The following SERPINB6 variants were observed in gnomAD, a reference collection of about 807,000 sequenced individuals.
SERPINB6 encodes serpin B6.
In SERPINB6, 16 loss-of-function variants were observed where a neutral mutation model predicts 26.1. That is an observed-to-expected ratio of 0.61 (90% CI 0.42 to 0.93). The LOEUF is 0.93. SERPINB6 is among the 40% of genes least tolerant of loss of function. The pLI is 0.00. For synonymous variants in SERPINB6, 174 were observed against 176.6 expected (o/e 0.99, Z 0.11); for missense variants, 420 against 478.0 (o/e 0.88, Z 1.13).
At chr6:2,957,424 G>A (rs901603341) in intron 2 of SERPINB6, 2 of 152,234 alleles carry the variant, frequency 1.3e-5, no homozygotes, top group African/African-American at 4.8e-5. Flanking sequence ...CTTTCCAGCT[G>A]GCAAAAGATT....
chr6:2,967,193 C>T lies in SERPINB6; in HGVS notation c.-11+4340G>A. 1.0e-6 allele frequency: 1 copy of T among 985,438 alleles called. No homozygotes were observed. The highest frequency in any genetic ancestry group is 1.2e-6 in the Non-Finnish European group (1 of 829,972). The allele number at this position is 985,438 out of a possible 1,614,324, so 61.0% of individuals were successfully genotyped here. A position where few individuals can be genotyped will look rare whatever the true frequency, so the allele number is the denominator to read the frequency against. On this transcript the variant is annotated intron_variant, in intron 1 of 6. Coordinates refer to ENST00000380539, the MANE Select transcript of SERPINB6 (RefSeq NM_004568.6). This position sits in a 1 kb window ranked among gnomAD's most constrained non-coding sequence, Gnocchi z 4.3. Reference sequence around the variant, plus strand: ...CCTCGAGTTGGAGGGATCTGTTAACCTGCCCAGGGCACAACACCCACACAC... The same window carrying T: ...CCTCGAGTTGGAGGGATCTGTTAACTTGCCCAGGGCACAACACCCACACAC...
chr6:2,971,016 C>T (rs1301126767), intron 1 of SERPINB6: 10 of 1,216,924 alleles, frequency 8.2e-6, no homozygotes, highest in African/African-American at 1.6e-5. Flanking sequence ...CTCCGCCTCC[C>T]GCCCGGCTCC....
chr6:2,949,030 T>C lies in SERPINB6; in HGVS notation c.613A>G (p.Thr205Ala), dbSNP rs544481054. The C allele has an allele frequency of 1.2e-5, 20 of 1,614,098 alleles. No individual in the cohort carries two copies. The Admixed American group carries it at 1.7e-4, about 13-fold the overall frequency. ...KPVQMMFKQS[T>A]FKKTYIGEIF... ...TCTCCTATATAGGTCTTCTTAAAAGTAGATTGCTTAAACATCATTTGCACA... is the reference window on the plus strand; with the variant it reads ...TCTCCTATATAGGTCTTCTTAAAAGCAGATTGCTTAAACATCATTTGCACA... Residue 205 changes from threonine to alanine, a missense_variant, in exon 6 of 7, where the codon ACT (threonine) becomes GCT (alanine). Coordinates refer to ENST00000380539, the MANE Select transcript of SERPINB6 (RefSeq NM_004568.6).
chr6:2,953,331 C>T, intron 4 of SERPINB6, 145 bp from the exon 5 acceptor site: 1 of 1,092,396 alleles, frequency 9.2e-7, no homozygotes, highest in South Asian at 1.3e-5. Flanking sequence ...GGATACGTGT[C>T]CTTAAAGCAA....
In SERPINB6 at chr6:2,955,402, G is replaced by A; in HGVS notation, c.312+122C>T. On this transcript the variant is annotated intron_variant, in intron 3 of 6. Coordinates refer to ENST00000380539, the MANE Select transcript of SERPINB6 (RefSeq NM_004568.6). ...TTTAAAACATATTGGCAGGTGAAAA[G>A]AAATTACAAAAGCCTATGTATGGCA... 2.6e-6 allele frequency: 3 copies of A among 1,152,316 alleles called. No homozygotes were observed. The Admixed American group carries it at 5.5e-5, about 21-fold the overall frequency. 71.4% of individuals were successfully genotyped at this position (1,152,316 alleles called of 1,614,324 possible).
At chr6:2,970,867 G>A in intron 1 of SERPINB6, 1 of 1,231,436 alleles carries the variant, frequency 8.1e-7, no homozygotes, top group African/African-American at 1.5e-5. Context: ...AAGGAGATCC[G>A]GGCTGGTCCA....
intron 1 of SERPINB6, chr6:2,966,772 T>C (rs1176947017): frequency 4.6e-6 from 1 of 217,174 alleles, no homozygotes; most frequent in African/African-American, 2.3e-5. Flanking sequence ...ATTTTAGATT[T>C]TTCTAGTCCA....
intron 1 of SERPINB6, chr6:2,962,147 A>C: frequency 6.1e-6 from 6 of 985,470 alleles, no homozygotes; most frequent in Non-Finnish European, 7.2e-6. Flanking sequence ...AACTTCAACA[A>C]AGCAAAGCCA....
Position 2,949,001 on chromosome 6 carries a change from T to G in SERPINB6, c.642A>C (p.Ile214=). Residue 214 remains isoleucine (I), a synonymous_variant, in exon 6 of 7, where the codon ATA becomes ATC. Transcript: ENST00000380539. ...STFKKTYIGE[I]FTQILVLPYV... is the part of the protein sequence containing the mutation. Reference sequence around the variant, plus strand: ...ATGGAAGCACCAAGATTTGGGTAAATATTTCTCCTATATAGGTCTTCTTAA... The same window carrying G: ...ATGGAAGCACCAAGATTTGGGTAAAGATTTCTCCTATATAGGTCTTCTTAA... 5 of 1,614,202 alleles carry G rather than the reference T, an allele frequency of 3.1e-6. No individual in the cohort carries two copies. Among genetic ancestry groups the G allele is most frequent in the Non-Finnish European group, 4.2e-6 (5 of 1,180,032 alleles).
rs1262274712 is a variant in SERPINB6, at chr6:2,967,829, C to T, written c.-11+3704G>A. 4 of 152,212 alleles carry T rather than the reference C, an allele frequency of 2.6e-5. No homozygotes were observed. Among genetic ancestry groups the T allele is most frequent in the Admixed American group, 1.3e-4 (2 of 15,270 alleles). The allele number at this position is 152,212 out of a possible 1,614,324, so 9.4% of individuals were successfully genotyped here. On this transcript the variant is annotated intron_variant, in intron 1 of 6. Transcript: ENST00000380539. This position sits in a 1 kb window ranked among gnomAD's most constrained non-coding sequence, Gnocchi z 4.3. ...GCAAGGTTGTGGAGAAAAGGGAACA[C>T]TTACACACTGCTGGTGGGTGTGTAA...
At chr6:2,956,069 C>T (rs187377638) in intron 2 of SERPINB6, 10 of 182,074 alleles carry the variant, frequency 5.5e-5, no homozygotes, top group African/African-American at 1.4e-4. Flanking sequence ...AGTGAGACTC[C>T]GTCTCAAAAA....
intron 1 of SERPINB6, chr6:2,970,577 CTG>C: frequency 1.7e-6 from 2 of 1,211,942 alleles, no homozygotes; most frequent in Non-Finnish European, 2.1e-6. Context: ...AGCTGCAGGG[CTG>C]TCATTAGGCA....
Position 2,958,044 on chromosome 6 carries a change from G to T in SERPINB6, c.165+1124C>A, listed in dbSNP as rs1461713336. On this transcript the variant is annotated intron_variant, in intron 2 of 6. Coordinates refer to ENST00000380539, the MANE Select transcript of SERPINB6 (RefSeq NM_004568.6). ...ATGTGTCCCCTCAAATTTACACACT[G>T]AAGTCCCAACTCCAGTGTCTCAGGA... The T allele has an allele frequency of 3.3e-5, 5 of 152,378 alleles. No individual in the cohort carries two copies. The East Asian group carries it at 7.7e-4, about 24-fold the overall frequency. 9.4% of individuals were successfully genotyped at this position (152,378 alleles called of 1,614,324 possible).
chr6:2,951,772 G>A (rs1001359385), intron 5 of SERPINB6, among the ~76,000 whole-genome samples: 4 of 152,154 alleles, frequency 2.6e-5, no homozygotes, highest in East Asian at 1.9e-4. Flanking sequence ...AAAGCATGAC[G>A]GGATTCCACA....
At chr6:2,969,771 T>TGTGC in intron 1 of SERPINB6, 1 of 952,724 alleles carries the variant, frequency 1.0e-6, no homozygotes, top group Non-Finnish European at 1.2e-6. Context: ...AGTGTGTATG[T>TGTGC]GTGTGTGTGT....
At position 2,955,204 on chromosome 6, in the gene SERPINB6, A is replaced by AAC. The variant is rs752569542; in HGVS notation, c.312+319_312+320insGT. The AAC allele has an allele frequency of 0.021, 3,388 of 163,074 alleles. 33 individuals are homozygous for AAC. The highest frequency in any genetic ancestry group is 0.033 in the Non-Finnish European group (2,662 of 81,488). 10.1% of individuals were successfully genotyped at this position (163,074 alleles called of 1,614,324 possible). On this transcript the variant is annotated intron_variant, in intron 3 of 6. Coordinates refer to ENST00000380539, the MANE Select transcript of SERPINB6 (RefSeq NM_004568.6). Reference sequence around the variant, plus strand: ...GATTCTGTCTCAAAAAAAAAAAAACAAAAAAAAAAAAGCAAAAAACACTAA... The same window carrying AAC: ...GATTCTGTCTCAAAAAAAAAAAAACAACAAAAAAAAAAAGCAAAAAACACTAA...
chr6:2,966,905 T>A, intron 1 of SERPINB6: 1 of 978,336 alleles, frequency 1.0e-6, no homozygotes, highest in Middle Eastern at 5.3e-4. Context: ...TCTTTCCACG[T>A]TGGCTTCCCA....
intron 2 of SERPINB6, 90 bp downstream of exon 2, chr6:2,959,078 A>G (rs1770810248): frequency 1.3e-6 from 2 of 1,536,450 alleles, no homozygotes; most frequent in Non-Finnish European, 1.8e-6. Flanking sequence ...CTGCACAGTC[A>G]TCCGTCTCGA....
At chr6:2,971,041 C>T (rs1772106444) in intron 1 of SERPINB6, 1 of 1,195,766 alleles carries the variant, frequency 8.4e-7, no homozygotes, top group Non-Finnish European at 1.0e-6. Flanking sequence ...ACCCGGCGCC[C>T]CAAGACTGAG....
Sources: allele counts gnomAD v4.1 joint callset (sites outside exome capture counted in the v4.1 genomes callset), GRCh38; gene constraint gnomAD v4.1.1; non-coding constraint Gnocchi (gnomAD v3.1); transcripts MANE v1.5; gene names NCBI Gene and HGNC (gene_info 2026-07-23, HGNC 2026-07-21).